CCDC7: variants seen among roughly 807,000 people sequenced by gnomAD.
The protein encoded by CCDC7 is coiled-coil domain-containing protein 7.
Under a neutral mutation model 196.9 loss-of-function variants are expected in CCDC7, and 183 were observed. The observed-to-expected ratio is 0.93, with a 90% confidence interval of 0.82 to 1.05. The LOEUF (loss-of-function observed/expected upper bound fraction) is 1.05. CCDC7 is among the 50% of genes least tolerant of loss of function. The pLI is 0.00. For missense variants in CCDC7, 1,540 were observed against 1,482.2 expected (o/e 1.04, Z -0.64); for synonymous variants, 525 against 484.6 (o/e 1.08, Z -1.10).
At chr10:32,475,968 C>T (rs931619682) in intron 8 of CCDC7, among the ~76,000 whole-genome samples, 1 of 152,124 alleles carries the variant, frequency 6.6e-6, no homozygotes, top group Non-Finnish European at 1.5e-5. Context: ...TTAGTGCAGT[C>T]CCCCCATTCC....
At chr10:32,846,581 C>T in intron 37 of CCDC7, 122 bp downstream of exon 38, 1 of 567,108 alleles carries the variant, frequency 1.8e-6, no homozygotes, top group Non-Finnish European at 3.2e-6. Context: ...TAAAATTCAT[C>T]ATGAATATCC....
chr10:32,515,778 G>A (rs1195065116), intron 9 of CCDC7, among the ~76,000 whole-genome samples: 1 of 151,546 alleles, frequency 6.6e-6, no homozygotes, highest in South Asian at 2.1e-4. Flanking sequence ...CTGACCTCGT[G>A]ATCCGCCCAC....
At chr10:32,771,861 C>G (rs1421864565) in intron 28 of CCDC7, among the ~76,000 whole-genome samples, 1 of 152,190 alleles carries the variant, frequency 6.6e-6, no homozygotes, top group Non-Finnish European at 1.5e-5. Context: ...CTATTTTCTT[C>G]TTCTTGGGTG....
chr10:32,480,899 T>G (rs943210665), intron 8 of CCDC7, among the ~76,000 whole-genome samples: 2 of 152,158 alleles, frequency 1.3e-5, no homozygotes, highest in Non-Finnish European at 2.9e-5. Context: ...AAGGTTTCCT[T>G]ATTTGTTTTC....
intron 29 of CCDC7, among the ~76,000 whole-genome samples, chr10:32,789,631 A>G (rs1393555182): frequency 6.6e-6 from 1 of 152,108 alleles, no homozygotes; most frequent in Non-Finnish European, 1.5e-5. Flanking sequence ...AAAAGCATGC[A>G]TTGGAAACTT....
At chr10:32,872,371 T>G (rs913078580) in intron 41 of CCDC7, among the ~76,000 whole-genome samples, 2 of 151,970 alleles carry the variant, frequency 1.3e-5, no homozygotes, top group African/African-American at 4.8e-5. Context: ...CCCTGCCTTT[T>G]TTTGTTTTCC....
intron 1 of CCDC7, among the ~76,000 whole-genome samples, chr10:32,452,874 A>C (rs1186703812): frequency 1.3e-5 from 2 of 152,188 alleles, no homozygotes; most frequent in Non-Finnish European, 2.9e-5. Context: ...GAGCACAAAT[A>C]TAAAAAAATA....
At chr10:32,723,685 A>G (rs1362283289) in intron 25 of CCDC7, among the ~76,000 whole-genome samples, 1 of 152,004 alleles carries the variant, frequency 6.6e-6, no homozygotes, top group East Asian at 1.9e-4. Context: ...GTGGGGGTCT[A>G]TAATGATACA....
At chr10:32,510,343 T>C (rs972582824) in intron 9 of CCDC7, among the ~76,000 whole-genome samples, 1 of 152,168 alleles carries the variant, frequency 6.6e-6, no homozygotes, top group African/African-American at 2.4e-5. Context: ...ATAAATAAGC[T>C]TTGTAGATCT....
At chr10:32,831,562 T>TC (rs1396103259) in intron 32 of CCDC7, among the ~76,000 whole-genome samples, 1 of 152,246 alleles carries the variant, frequency 6.6e-6, no homozygotes, top group Non-Finnish European at 1.5e-5. Flanking sequence ...TTTTTCTATA[T>TC]CCTTATTCAA....
chr10:32,675,102 A>G (rs1162281444), intron 21 of CCDC7, among the ~76,000 whole-genome samples: 1 of 152,212 alleles, frequency 6.6e-6, no homozygotes, highest in South Asian at 2.1e-4. Context: ...ATTTAAAATT[A>G]TTATTGCTAG....
intron 20 of CCDC7, among the ~76,000 whole-genome samples, chr10:32,643,258 C>T (rs2067162679): frequency 6.6e-6 from 1 of 152,020 alleles, no homozygotes; most frequent in Non-Finnish European, 1.5e-5. Context: ...TGAAAGGAAC[C>T]TTCTGAATCT....
At chr10:32,772,231 G>A (rs1040357800) in intron 28 of CCDC7, among the ~76,000 whole-genome samples, 1 of 152,196 alleles carries the variant, frequency 6.6e-6, no homozygotes, top group Non-Finnish European at 1.5e-5. Context: ...CCTCTGCTAT[G>A]CAGAAGAGTT....
intron 30 of CCDC7, among the ~76,000 whole-genome samples, chr10:32,812,008 C>G (rs1029707950): frequency 6.6e-6 from 1 of 152,018 alleles, no homozygotes; most frequent in African/African-American, 2.4e-5. Flanking sequence ...TGATAAAATT[C>G]AACATTCCTT....
chr10:32,722,913 G>C (rs145039044), intron 25 of CCDC7, among the ~76,000 whole-genome samples: 1 of 152,038 alleles, frequency 6.6e-6, no homozygotes, highest in Non-Finnish European at 1.5e-5. Context: ...TATGACCACC[G>C]TTCTTCATAG....
intron 28 of CCDC7, among the ~76,000 whole-genome samples, chr10:32,748,134 T>C (rs1482639033): frequency 6.6e-6 from 1 of 152,176 alleles, no homozygotes; most frequent in African/African-American, 2.4e-5. Flanking sequence ...TACCACATGT[T>C]CTCACTTATA....
chr10:32,528,983 T>C (rs2049194677), intron 11 of CCDC7, among the ~76,000 whole-genome samples: 1 of 151,932 alleles, frequency 6.6e-6, no homozygotes, highest in Non-Finnish European at 1.5e-5. Flanking sequence ...ATGGTAGATC[T>C]ACTGTCTACT....
At chr10:32,522,899 C>A (rs2048088865) in intron 11 of CCDC7, among the ~76,000 whole-genome samples, 1 of 152,030 alleles carries the variant, frequency 6.6e-6, no homozygotes, top group Non-Finnish European at 1.5e-5. Context: ...CAGTTCCCTT[C>A]TTAATTTCTT....
intron 28 of CCDC7, among the ~76,000 whole-genome samples, chr10:32,746,110 G>T (rs753531424): frequency 1.1e-4 from 17 of 152,108 alleles, no homozygotes; most frequent in Non-Finnish European, 2.2e-4. Context: ...TGAGAGACCA[G>T]ACCATCAAGA....
Sources: allele counts gnomAD v4.1 joint callset (sites outside exome capture counted in the v4.1 genomes callset), GRCh38; gene constraint gnomAD v4.1.1; transcripts MANE v1.5; gene names NCBI Gene and HGNC (gene_info 2026-07-23, HGNC 2026-07-21).